The following IMMP2L variants were observed in gnomAD, a reference collection of about 807,000 sequenced individuals.
IMMP2L encodes the protein mitochondrial inner membrane protease subunit 2.
IMMP2L carries 18 observed loss-of-function variants against 19.3 expected under a neutral mutation model. That is an observed-to-expected ratio of 0.93 (90% CI 0.64 to 1.38). IMMP2L has a LOEUF of 1.38. Among genes scored for constraint, IMMP2L ranks in the 40% most tolerant of loss-of-function variants. IMMP2L has a pLI of 0.00. For missense variants in IMMP2L, 233 were observed against 218.2 expected (o/e 1.07, Z -0.43); for synonymous variants, 76 against 73.0 (o/e 1.04, Z -0.21).
At chr7:110,770,342 T>A (rs898266960) in intron 5 of IMMP2L, among the ~76,000 whole-genome samples, 2 of 152,196 alleles carry the variant, frequency 1.3e-5, no homozygotes. Flanking sequence ...ATAATGGCAC[T>A]CATTAGTGAA....
chr7:110,963,021 T>A, intron 4 of IMMP2L: 1 of 1,517,658 alleles, frequency 6.6e-7, no homozygotes, highest in South Asian at 1.3e-5. Context: ...AATCTTATCA[T>A]CTAAAGCTTT....
At chr7:110,725,606 T>A (rs1481709777) in intron 5 of IMMP2L, 1 of 152,202 alleles carries the variant, frequency 6.6e-6, no homozygotes, top group African/African-American at 2.4e-5. Context: ...CATTTGCTGA[T>A]CATGTCTACT....
intron 3 of IMMP2L, among the ~76,000 whole-genome samples, chr7:111,378,560 CT>C (rs1304257061): frequency 7.2e-5 from 11 of 151,958 alleles, no homozygotes; most frequent in Non-Finnish European, 1.5e-4. Flanking sequence ...GTAGTTGTAA[CT>C]GGCAAATCAG....
intron 5 of IMMP2L, among the ~76,000 whole-genome samples, chr7:110,730,827 G>A (rs1796227205): frequency 6.6e-6 from 1 of 152,078 alleles, no homozygotes; most frequent in South Asian, 2.1e-4. Context: ...GCCCGGCCGG[G>A]ACTGGCTTTC....
At chr7:111,148,726 G>A (rs1322119391) in intron 3 of IMMP2L, among the ~76,000 whole-genome samples, 1 of 151,680 alleles carries the variant, frequency 6.6e-6, no homozygotes, top group Non-Finnish European at 1.5e-5. Flanking sequence ...TCTCACAATT[G>A]CAAACAGTGG....
chr7:110,773,801 G>A (rs1298008026), intron 5 of IMMP2L, among the ~76,000 whole-genome samples: 1 of 149,772 alleles, frequency 6.7e-6, no homozygotes, highest in African/African-American at 2.5e-5. Flanking sequence ...AATTAGGCAA[G>A]TGCTCAATGC....
chr7:111,252,426 T>C (rs1054178781), intron 3 of IMMP2L, among the ~76,000 whole-genome samples: 6 of 152,150 alleles, frequency 3.9e-5, no homozygotes, highest in African/African-American at 7.2e-5. Context: ...AGATACAAAT[T>C]ATTATGGCAG....
chr7:110,938,628 T>G (rs112408344), intron 4 of IMMP2L, among the ~76,000 whole-genome samples: 1 of 152,158 alleles, frequency 6.6e-6, no homozygotes, highest in Admixed American at 6.6e-5. Flanking sequence ...ACTGATCTTG[T>G]GCACAATATT....
chr7:110,794,277 A>G (rs1800696560), intron 5 of IMMP2L, among the ~76,000 whole-genome samples: 1 of 152,152 alleles, frequency 6.6e-6, no homozygotes, highest in South Asian at 2.1e-4. Context: ...GAATAGATTT[A>G]GTAAACTGTG....
chr7:111,103,323 A>C (rs1439460092), intron 3 of IMMP2L, among the ~76,000 whole-genome samples: 1 of 151,566 alleles, frequency 6.6e-6, no homozygotes, highest in Non-Finnish European at 1.5e-5. Context: ...CACACAGACC[A>C]ATATTGGATT....
intron 3 of IMMP2L, among the ~76,000 whole-genome samples, chr7:111,000,092 T>C (rs1294330125): frequency 2.0e-5 from 3 of 152,176 alleles, no homozygotes; most frequent in African/African-American, 7.2e-5. Context: ...TTGCTGTTTG[T>C]TGTGGTTGTT....
intron 5 of IMMP2L, among the ~76,000 whole-genome samples, chr7:110,763,305 A>C (rs1326650857): frequency 6.6e-6 from 1 of 152,118 alleles, no homozygotes; most frequent in Non-Finnish European, 1.5e-5. Context: ...TCAATGGAGA[A>C]GAAAATAACT....
At chr7:110,983,620 G>A (rs1821536829) in intron 3 of IMMP2L, among the ~76,000 whole-genome samples, 1 of 151,914 alleles carries the variant, frequency 6.6e-6, no homozygotes, top group Non-Finnish European at 1.5e-5. Context: ...GATTCTACCT[G>A]TTTTGCTAAA....
At chr7:111,358,026 A>G (rs571039673) in intron 3 of IMMP2L, among the ~76,000 whole-genome samples, 1 of 151,980 alleles carries the variant, frequency 6.6e-6, no homozygotes, top group Admixed American at 6.6e-5. Flanking sequence ...CCTATCTCAG[A>G]GTAGAAACCC....
At chr7:110,970,427 TG>T (rs1820030208) in intron 3 of IMMP2L, among the ~76,000 whole-genome samples, 2 of 152,132 alleles carry the variant, frequency 1.3e-5, no homozygotes, top group African/African-American at 4.8e-5. Context: ...AAAATGTGTG[TG>T]TGTGTGCACA....
intron 3 of IMMP2L, among the ~76,000 whole-genome samples, chr7:111,397,167 T>G (rs1832962455): frequency 6.6e-6 from 1 of 152,166 alleles, no homozygotes; most frequent in Non-Finnish European, 1.5e-5. Context: ...TTACATTCTC[T>G]GTAGTCCTCT....
intron 3 of IMMP2L, among the ~76,000 whole-genome samples, chr7:111,303,822 C>T (rs773376133): frequency 2.6e-5 from 4 of 151,806 alleles, no homozygotes; most frequent in African/African-American, 4.8e-5. Flanking sequence ...TTGGTGAGAC[C>T]TCATCATTTA....
chr7:110,917,917 T>C (rs1390844927), intron 4 of IMMP2L, among the ~76,000 whole-genome samples: 2 of 152,172 alleles, frequency 1.3e-5, no homozygotes, highest in African/African-American at 4.8e-5. Flanking sequence ...ATATCATACA[T>C]AGAAAAATAT....
At chr7:111,194,407 A>C (rs756217087) in intron 3 of IMMP2L, among the ~76,000 whole-genome samples, 1 of 152,180 alleles carries the variant, frequency 6.6e-6, no homozygotes, top group Non-Finnish European at 1.5e-5. Context: ...CCTCTGAGAA[A>C]GATTCCTGAG....
Sources: allele counts gnomAD v4.1 joint callset (sites outside exome capture counted in the v4.1 genomes callset), GRCh38; gene constraint gnomAD v4.1.1; transcripts MANE v1.5; gene names NCBI Gene and HGNC (gene_info 2026-07-23, HGNC 2026-07-21).